Variants in CTSO observed in about 807,000 individuals in gnomAD.
The protein encoded by CTSO is cathepsin O.
Under a neutral mutation model 42.4 loss-of-function variants are expected in CTSO, and 40 were observed. That is an observed-to-expected ratio of 0.94 (90% CI 0.73 to 1.23). The LOEUF is 1.23. CTSO is among the 50% of genes most tolerant of loss of function. The probability of loss-of-function intolerance (pLI) is 0.00; values close to 1 mark genes in which losing one functional copy is unlikely to be tolerated. For synonymous variants in CTSO, 156 were observed against 146.2 expected, an observed-to-expected ratio of 1.07 and a Z score of -0.48; for missense variants, 441 against 396.0, an observed-to-expected ratio of 1.11 and a Z score of -0.96.
At chr4:155,931,574 ATTTGTC>A (rs1030328244) in intron 5 of CTSO, among the ~76,000 whole-genome samples, 5 of 152,308 alleles carry the variant, frequency 3.3e-5, no homozygotes, top group African/African-American at 1.2e-4. Flanking sequence ...CATTGCTATC[ATTTGTC>A]TTTCAGAAAG....
At position 155,925,495 on chromosome 4, in the gene CTSO, C is replaced by T. The variant is rs72681588; in HGVS notation, c.*541G>A. Reference sequence around the variant, plus strand: ...GTTCAAAGGGTAAGCACCATTTGTTCAGGTAAAGCAATTGGTGTTTGAAAT... The same window carrying T: ...GTTCAAAGGGTAAGCACCATTTGTTTAGGTAAAGCAATTGGTGTTTGAAAT... On this transcript the variant is annotated 3_prime_UTR_variant, in exon 8 of 8. Transcript: ENST00000433477. The T allele has an allele frequency of 0.013, 1,999 of 152,458 alleles. 18 individuals are homozygous for T. The highest frequency in any genetic ancestry group is 0.028 in the South Asian group (135 of 4,832). The allele number at this position is 152,458 out of a possible 1,614,324, so 9.4% of individuals were successfully genotyped here. A position where few individuals can be genotyped will look rare whatever the true frequency, so the allele number is the denominator to read the frequency against.
chr4:155,944,706 A>G (rs1321201707), intron 1 of CTSO, among the ~76,000 whole-genome samples: 1 of 152,138 alleles, frequency 6.6e-6, no homozygotes. Flanking sequence ...GGCTGCACCT[A>G]GCTCATGACT....
chr4:155,930,328 C>G (rs1333570155), intron 5 of CTSO, among the ~76,000 whole-genome samples: 1 of 152,056 alleles, frequency 6.6e-6, no homozygotes, highest in Non-Finnish European at 1.5e-5. Context: ...TCAAAAGTGG[C>G]TAATATAATT....
intron 7 of CTSO, among the ~76,000 whole-genome samples, chr4:155,927,644 G>A (rs760538463): frequency 4.0e-4 from 61 of 152,004 alleles, no homozygotes; most frequent in Non-Finnish European, 7.4e-4. Context: ...GTGTGGTGGC[G>A]GGAGTCTGTA....
intron 5 of CTSO, among the ~76,000 whole-genome samples, chr4:155,931,447 A>T (rs895029220): frequency 3.9e-5 from 6 of 152,164 alleles, no homozygotes; most frequent in African/African-American, 1.4e-4. Flanking sequence ...TTTAGTAATA[A>T]TCCCTGATTT....
intron 1 of CTSO, among the ~76,000 whole-genome samples, chr4:155,952,708 G>A (rs1396530875): frequency 6.6e-6 from 1 of 152,192 alleles, no homozygotes; most frequent in Non-Finnish European, 1.5e-5. Flanking sequence ...CCTAAACATT[G>A]GAGCTTTCCA....
rs1474748075 is a variant in CTSO, at chr4:155,925,794, C to T, written c.*242G>A. The T allele has an allele frequency of 8.6e-6, 4 of 464,862 alleles. No homozygotes were observed. Among genetic ancestry groups the T allele is most frequent in the South Asian group, 8.9e-5 (2 of 22,496 alleles). The allele number at this position is 464,862 out of a possible 1,614,324, so 28.8% of individuals were successfully genotyped here. A position where few individuals can be genotyped will look rare whatever the true frequency, so the allele number is the denominator to read the frequency against. ...TCCTAATCTGAATTTCGTCTCAGGA[C>T]AGGAAACTATTCCATAGGCTTCCTC... On this transcript the variant is annotated 3_prime_UTR_variant, in exon 8 of 8. Transcript: ENST00000433477.
chr4:155,943,696 G>T (rs887764820), intron 1 of CTSO, among the ~76,000 whole-genome samples: 2 of 152,132 alleles, frequency 1.3e-5, no homozygotes, highest in Admixed American at 6.5e-5. Context: ...CCGGAACTAA[G>T]TAATGAAGCA....
At position 155,926,087 on chromosome 4, in the gene CTSO, G is replaced by C; in HGVS notation, c.932-17C>G. The C allele has an allele frequency of 8.6e-7, 1 of 1,162,186 alleles. No individual in the cohort carries two copies. Among genetic ancestry groups the C allele is most frequent in the Non-Finnish European group, 1.2e-6 (1 of 848,026 alleles). The allele number at this position is 1,162,186 out of a possible 1,614,324, so 72.0% of individuals were successfully genotyped here. A position where few individuals can be genotyped will look rare whatever the true frequency, so the allele number is the denominator to read the frequency against. On this transcript the variant is annotated splice_polypyrimidine_tract_variant and intron_variant, in intron 7 of 7. Coordinates refer to ENST00000433477, the MANE Select transcript of CTSO (RefSeq NM_001334.3). Reference sequence around the variant, plus strand: ...CTGCAATACCTAAGGGAAAAAAAAGGAATTATTAGTCTATTTCCTCTTTAG... The same window carrying C: ...CTGCAATACCTAAGGGAAAAAAAAGCAATTATTAGTCTATTTCCTCTTTAG...
intron 3 of CTSO, among the ~76,000 whole-genome samples, chr4:155,941,932 T>C (rs1220011140): frequency 6.6e-6 from 1 of 152,136 alleles, no homozygotes; most frequent in Non-Finnish European, 1.5e-5. Context: ...TCTTGAACCA[T>C]TTAAGCCTTT....
intron 7 of CTSO, among the ~76,000 whole-genome samples, chr4:155,927,178 T>C (rs1157776620): frequency 6.6e-6 from 1 of 152,230 alleles, no homozygotes; most frequent in Non-Finnish European, 1.5e-5. Context: ...GATTCTGCCT[T>C]ATGGAATGAT....
chr4:155,929,021 A>ACACCTGGC (rs1469275015), intron 6 of CTSO, among the ~76,000 whole-genome samples: 3 of 152,324 alleles, frequency 2.0e-5, no homozygotes, highest in African/African-American at 7.2e-5. Context: ...AGGGCAAGGA[A>ACACCTGGC]CACCTGGCCG....
chr4:155,945,113 C>A (rs926070589), intron 1 of CTSO, among the ~76,000 whole-genome samples: 1 of 151,690 alleles, frequency 6.6e-6, no homozygotes, highest in African/African-American at 2.4e-5. Context: ...AAAAATTAGC[C>A]GGGCGTGGTG....
intron 3 of CTSO, among the ~76,000 whole-genome samples, chr4:155,941,643 C>G (rs747158699): frequency 9.2e-5 from 14 of 152,162 alleles, no homozygotes; most frequent in Non-Finnish European, 1.3e-4. Flanking sequence ...TGACTAAGCT[C>G]GTAGGTAGTG....
At position 155,928,328 on chromosome 4, in the gene CTSO, T is replaced by C. The variant is rs1743166476; in HGVS notation, c.931+8A>G. On this transcript the variant is annotated splice_region_variant and intron_variant, in intron 7 of 7. Transcript: ENST00000433477. ...TATTGAGGTTTTAAACACAAACTCA[T>C]GACTTACCACAAACATTACTTCCCA... 1 of 1,599,534 alleles carries C rather than the reference T, an allele frequency of 6.3e-7. No individual in the cohort carries two copies. The highest frequency in any genetic ancestry group is 8.6e-7 in the Non-Finnish European group (1 of 1,169,118).
chr4:155,924,556 C>T lies in CTSO; in HGVS notation c.*1480G>A, dbSNP rs1419380025. ...TTTTTTAGTGGTTGCTACTGCATTT[C>T]ATGTTTCATTTTTGTTAGATCATAT... is the stretch of plus-strand genomic sequence containing the variant. On this transcript the variant is annotated 3_prime_UTR_variant, in exon 8 of 8. Transcript: ENST00000433477. The T allele has an allele frequency of 6.6e-6, 1 of 151,806 alleles. No individual in the cohort carries two copies. The highest frequency in any genetic ancestry group is 6.6e-5 in the Admixed American group (1 of 15,220). 9.4% of individuals were successfully genotyped at this position (151,806 alleles called of 1,614,324 possible). A position where few individuals can be genotyped will look rare whatever the true frequency, so the allele number is the denominator to read the frequency against.
intron 5 of CTSO, among the ~76,000 whole-genome samples, chr4:155,931,926 C>T (rs539148606): frequency 8.6e-5 from 13 of 151,724 alleles, no homozygotes; most frequent in Admixed American, 2.6e-4. Flanking sequence ...CAAGATGCGG[C>T]GATGAAGGCA....
rs1743474967 is a variant in CTSO at position 155,943,351 on chromosome 4, A to G, written c.136-87T>C. The G allele has an allele frequency of 9.8e-6, 7 of 716,554 alleles. No homozygotes were observed. The Admixed American group carries it at 1.2e-4, about 13-fold the overall frequency. 44.4% of individuals were successfully genotyped at this position (716,554 alleles called of 1,614,324 possible). A position where few individuals can be genotyped will look rare whatever the true frequency, so the allele number is the denominator to read the frequency against. Reference sequence around the variant, plus strand: ...ATAACTAACTTGGAGAAATTTTTCAATTATAAAGTTAAAGCTTGATTTCCT... The same window carrying G: ...ATAACTAACTTGGAGAAATTTTTCAGTTATAAAGTTAAAGCTTGATTTCCT... On this transcript the variant is annotated intron_variant, in intron 1 of 7. Coordinates refer to ENST00000433477, the MANE Select transcript of CTSO (RefSeq NM_001334.3).
chr4:155,949,539 G>A (rs1365432942), intron 1 of CTSO, among the ~76,000 whole-genome samples: 4 of 151,976 alleles, frequency 2.6e-5, no homozygotes, highest in East Asian at 1.9e-4. Context: ...CTTTATCTTC[G>A]GCACTTTAAA....
Sources: gnomAD v4.1 joint callset for allele counts (sites outside exome capture counted in the v4.1 genomes callset) on GRCh38, gnomAD v4.1.1 for gene constraint, MANE v1.5 for transcripts, NCBI Gene and HGNC (gene_info 2026-07-23, HGNC 2026-07-21) for gene names.